POU3F3: variants seen among roughly 807,000 people sequenced by gnomAD.
POU3F3 encodes the protein POU class 3 homeobox 3.
A neutral mutation model predicts 8.6 loss-of-function variants in POU3F3; 1 was observed. That is an observed-to-expected ratio of 0.12 (90% CI 0.04 to 0.55). The LOEUF is 0.55. Ranked by LOEUF, POU3F3 falls within the 20% of genes least tolerant of loss-of-function variation. The pLI, the probability that POU3F3 is intolerant of heterozygous loss-of-function variation, is 0.91. For missense variants in POU3F3, 577 were observed against 690.7 expected, an observed-to-expected ratio of 0.84 and a Z score of 1.84; for synonymous variants, 418 against 327.4, an observed-to-expected ratio of 1.28 and a Z score of -2.99.
chr2:104,858,876 G>T (rs1439676229), downstream of POU3F3, among the ~76,000 whole-genome samples: 1 of 152,114 alleles, frequency 6.6e-6, no homozygotes, highest in Non-Finnish European at 1.5e-5. Context: ...GGCGATACCT[G>T]TGTTTCTTAT....
chr2:104,862,321 G>C (rs954709169), downstream of POU3F3, among the ~76,000 whole-genome samples: 4 of 152,230 alleles, frequency 2.6e-5, no homozygotes, highest in Admixed American at 2.6e-4. Context: ...TTCTCTTGGC[G>C]GCACGATGTG....
chr2:104,873,126 G>T, the POU3F3 span, among the ~76,000 whole-genome samples: 3 of 152,188 alleles, frequency 2.0e-5, no homozygotes, highest in African/African-American at 7.2e-5. Flanking sequence ...GGCTAAAACC[G>T]CAACAACCAA....
the POU3F3 span, among the ~76,000 whole-genome samples, chr2:104,910,908 A>C: frequency 6.6e-6 from 1 of 152,338 alleles, no homozygotes; most frequent in East Asian, 1.9e-4. Context: ...ACAAATTTAA[A>C]AATATAGTAT....
At chr2:104,858,677 G>C (rs1407430410), downstream of POU3F3, 1 of 152,198 alleles carries the variant, frequency 6.6e-6, no homozygotes, top group Non-Finnish European at 1.5e-5. Flanking sequence ...TGAGGAAGTA[G>C]AGCCTGCTCC....
At chr2:104,897,526 C>A in the POU3F3 span, among the ~76,000 whole-genome samples, 868 of 152,268 alleles carry the variant, frequency 5.7e-3, 9 homozygotes, top group African/African-American at 0.02. Flanking sequence ...TCCCCAGGAG[C>A]ACTGCCAGCC....
chr2:104,861,668 GTC>G (rs1676657190), downstream of POU3F3, among the ~76,000 whole-genome samples: 1 of 152,222 alleles, frequency 6.6e-6, no homozygotes, highest in Non-Finnish European at 1.5e-5. Context: ...GAAGCCCTTT[GTC>G]CTAGTCCAGC....
At chr2:104,878,665 C>A in the POU3F3 span, among the ~76,000 whole-genome samples, 2 of 152,138 alleles carry the variant, frequency 1.3e-5, no homozygotes, top group Non-Finnish European at 2.9e-5. Flanking sequence ...TGGCATCTTG[C>A]CTGAGGGTTG....
At chr2:104,862,003 G>A (rs1676665108), downstream of POU3F3, among the ~76,000 whole-genome samples, 1 of 152,346 alleles carries the variant, frequency 6.6e-6, no homozygotes, top group South Asian at 2.1e-4. Context: ...GCTGGGGGTG[G>A]GGGCAGCGGA....
chr2:104,911,414 CAAAAAAA>C, the POU3F3 span, among the ~76,000 whole-genome samples: 1 of 60,976 alleles, frequency 1.6e-5, no homozygotes, highest in African/African-American at 6.7e-5. Flanking sequence ...GACTCCGTCT[CAAAAAAA>C]AAAAAAAAAA....
At chr2:104,859,133 T>TG (rs1553426696), downstream of POU3F3, among the ~76,000 whole-genome samples, 342 of 68,912 alleles carry the variant, frequency 5.0e-3, 6 homozygotes, top group East Asian at 0.13. Flanking sequence ...TTAAGCTTTT[T>TG]GGGTTTTTTC....
the POU3F3 span, among the ~76,000 whole-genome samples, chr2:104,901,590 T>C: frequency 6.6e-6 from 1 of 152,204 alleles, no homozygotes; most frequent in East Asian, 1.9e-4. Flanking sequence ...TCACTGCCCT[T>C]GATGGATTTG....
chr2:104,922,508 C>T, the POU3F3 span, among the ~76,000 whole-genome samples: 1 of 150,842 alleles, frequency 6.6e-6, no homozygotes, highest in Non-Finnish European at 1.5e-5. Flanking sequence ...GCTGAAAATG[C>T]AATAACTAAA....
chr2:104,907,837 G>C, the POU3F3 span, among the ~76,000 whole-genome samples: 1 of 152,078 alleles, frequency 6.6e-6, no homozygotes, highest in South Asian at 2.1e-4. Flanking sequence ...GGGGCCCCTT[G>C]ACTTGCTATT....
At chr2:104,860,752 CTTTTTTTTTTT>C (rs1178339577), downstream of POU3F3, among the ~76,000 whole-genome samples, 42 of 50,288 alleles carry the variant, frequency 8.4e-4, no homozygotes, top group African/African-American at 3.3e-3. Context: ...GTTGCTCTGC[CTTTTTTTTTTT>C]TTTTTTTTTT....
At chr2:104,911,304 C>T in the POU3F3 span, among the ~76,000 whole-genome samples, 1 of 150,630 alleles carries the variant, frequency 6.6e-6, no homozygotes, top group Non-Finnish European at 1.5e-5. Flanking sequence ...ATCCCAGCTA[C>T]TAGGGAGGCT....
the POU3F3 span, among the ~76,000 whole-genome samples, chr2:104,895,034 GCAT>G: frequency 6.6e-6 from 1 of 150,938 alleles, no homozygotes; most frequent in Admixed American, 6.6e-5. Flanking sequence ...CCAGACTGGG[GCAT>G]CTTCACCATG....
chr2:104,908,835 T>C, the POU3F3 span, among the ~76,000 whole-genome samples: 1 of 152,128 alleles, frequency 6.6e-6, no homozygotes, highest in Non-Finnish European at 1.5e-5. Flanking sequence ...TTCATAAGAG[T>C]AGATAATGAT....
the POU3F3 span, among the ~76,000 whole-genome samples, chr2:104,864,134 G>A: frequency 6.6e-6 from 1 of 152,248 alleles, no homozygotes; most frequent in South Asian, 2.1e-4. Context: ...GAGGACTGCA[G>A]GCCTAGGCCT....
chr2:104,853,839 A>T (rs956951115), upstream of POU3F3: 1 of 144,478 alleles, frequency 6.9e-6, no homozygotes, highest in Non-Finnish European at 1.5e-5. Flanking sequence ...AAGAGTTAAG[A>T]TGTGGCGGAG....
Sources: gnomAD v4.1 joint callset for allele counts (sites outside exome capture counted in the v4.1 genomes callset) on GRCh38, gnomAD v4.1.1 for gene constraint, MANE v1.5 for transcripts, NCBI Gene and HGNC (gene_info 2026-07-23, HGNC 2026-07-21) for gene names.